The following CRACD variants were observed in gnomAD, a reference collection of about 807,000 sequenced individuals.
CRACD encodes capping protein inhibiting regulator of actin dynamics.
CRACD carries 56 observed loss-of-function variants against 106.8 expected under a neutral mutation model. The observed-to-expected ratio is 0.52, with a 90% CI of 0.42 to 0.66. CRACD has a LOEUF of 0.66. Ranked by LOEUF, CRACD falls within the 30% of genes least tolerant of loss-of-function variation. The pLI is 0.00. For synonymous variants in CRACD, 754 were observed against 670.8 expected (o/e 1.12, Z -1.92); for missense variants, 1,730 against 1,623.2 (o/e 1.07, Z -1.13).
intron 1 of CRACD, among the ~76,000 whole-genome samples, chr4:56,090,458 C>T (rs1369320544): frequency 6.6e-6 from 1 of 152,026 alleles, no homozygotes; most frequent in Non-Finnish European, 1.5e-5. Flanking sequence ...AGTGCAGTGG[C>T]ACTATCTTGG....
chr4:56,098,165 C>G (rs893386066), intron 1 of CRACD, among the ~76,000 whole-genome samples: 18 of 152,258 alleles, frequency 1.2e-4, no homozygotes, highest in African/African-American at 4.1e-4. Flanking sequence ...AAATGTGTTA[C>G]TGTAGACATT....
chr4:56,283,315 C>T (rs1002480911), intron 3 of CRACD, among the ~76,000 whole-genome samples: 4 of 152,148 alleles, frequency 2.6e-5, no homozygotes, highest in South Asian at 2.1e-4. Context: ...AGAATCCAGA[C>T]GCAGACCTAG....
At chr4:56,306,745 C>A (rs1479224624) in intron 4 of CRACD, among the ~76,000 whole-genome samples, 2 of 152,056 alleles carry the variant, frequency 1.3e-5, no homozygotes. Flanking sequence ...GAATTTCTAC[C>A]CCATTTTCCC....
chr4:56,305,191 A>G (rs1049093697), intron 4 of CRACD, among the ~76,000 whole-genome samples: 2 of 152,170 alleles, frequency 1.3e-5, no homozygotes, highest in African/African-American at 4.8e-5. Flanking sequence ...ACTGCACTCT[A>G]GCCTGTGCGA....
intron 2 of CRACD, among the ~76,000 whole-genome samples, chr4:56,245,837 A>G (rs774536118): frequency 2.0e-5 from 3 of 152,254 alleles, no homozygotes; most frequent in Non-Finnish European, 2.9e-5. Flanking sequence ...TGGTTGAGAT[A>G]GCAAATAATT....
rs116668745 is a variant in CRACD at position 56,216,640 on chromosome 4, C to T, written c.-189+37210C>T. ...TGGTAATGTAGTATTTGGAGAGAAG[C>T]GGCATTTAAAATCGGCCTTTGCAAA... On this transcript the variant is annotated intron_variant, in intron 2 of 10. Transcript: ENST00000682029. Among the ~76,000 whole-genome samples, 292 of 152,192 alleles carry T rather than the reference C, an allele frequency of 1.9e-3. 2 individuals are homozygous for T. The highest frequency in any genetic ancestry group is 6.4e-3 in the African/African-American group (267 of 41,522).
chr4:56,122,309 CAAA>C (rs33942884), intron 1 of CRACD, among the ~76,000 whole-genome samples: 35 of 109,576 alleles, frequency 3.2e-4, no homozygotes, highest in Admixed American at 3.5e-4. Context: ...AATTGTAGAC[CAAA>C]AAAAAAAAAA....
At chr4:56,055,438 G>T (rs1732023544) in intron 1 of CRACD, among the ~76,000 whole-genome samples, 1 of 131,040 alleles carries the variant, frequency 7.6e-6, no homozygotes, top group Non-Finnish European at 1.6e-5. Context: ...CACCATTTGT[G>T]AAAGAGGAAA....
chr4:56,265,091 T>G (rs904435303), intron 2 of CRACD, among the ~76,000 whole-genome samples: 16 of 152,176 alleles, frequency 1.1e-4, no homozygotes, highest in Non-Finnish European at 1.8e-4. Flanking sequence ...GGCCAGCTCC[T>G]CTGTCATAAT....
At chr4:56,129,189 C>G (rs574160073) in intron 1 of CRACD, among the ~76,000 whole-genome samples, 8 of 152,190 alleles carry the variant, frequency 5.3e-5, no homozygotes, top group South Asian at 2.1e-4. Context: ...AATCCTCCCC[C>G]CTCAGCCTCC....
rs556327426 is a variant in CRACD, at chr4:56,320,457, C to T, written c.3188-2920C>T. ...GATGCAATTGACTATCTTTCAAAAC[C>T]TTGACTGTAATAAGAGATTTTACTG... On this transcript the variant is annotated intron_variant, in intron 8 of 10. Transcript: ENST00000682029. Among the ~76,000 whole-genome samples the T allele has an allele frequency of 2.0e-5, 3 of 152,282 alleles. No individual in the cohort carries two copies. In the South Asian group the frequency reaches 6.2e-4, roughly 32 times the overall value.
chr4:56,190,660 C>T (rs1376950580), intron 2 of CRACD, among the ~76,000 whole-genome samples: 12 of 152,160 alleles, frequency 7.9e-5, no homozygotes, highest in Non-Finnish European at 1.5e-4. Context: ...AAGGGTACAG[C>T]CTCCTCCCTA....
intron 7 of CRACD, among the ~76,000 whole-genome samples, 168 bp downstream of exon 7, chr4:56,313,547 C>T (rs1407195263): frequency 6.6e-6 from 1 of 152,196 alleles, no homozygotes; most frequent in African/African-American, 2.4e-5. Context: ...GTTTACTTTC[C>T]TCGCCCTTTC....
At chr4:56,294,836 C>T (rs1183531347) in intron 3 of CRACD, among the ~76,000 whole-genome samples, 1 of 145,964 alleles carries the variant, frequency 6.9e-6, no homozygotes, top group African/African-American at 2.5e-5. Flanking sequence ...ATTGCTTGAA[C>T]CCAGAAGGTG....
intron 8 of CRACD, chr4:56,321,237 G>T: frequency 4.1e-6 from 1 of 245,192 alleles, no homozygotes; most frequent in South Asian, 5.5e-5. Context: ...AAGCACTTGT[G>T]TGGACCTGGG....
At chr4:56,085,063 G>A (rs1353012016) in intron 1 of CRACD, among the ~76,000 whole-genome samples, 1 of 152,170 alleles carries the variant, frequency 6.6e-6, no homozygotes, top group East Asian at 1.9e-4. Context: ...GTGATTGTGA[G>A]TGGGAAGGGT....
intron 10 of CRACD, among the ~76,000 whole-genome samples, chr4:56,325,974 C>T (rs1645396365): frequency 6.6e-6 from 1 of 152,218 alleles, no homozygotes; most frequent in African/African-American, 2.4e-5. Context: ...TGCGATGGCG[C>T]CATCTCGGCT....
chr4:56,085,228 C>A (rs188138572), intron 1 of CRACD, among the ~76,000 whole-genome samples: 4 of 152,264 alleles, frequency 2.6e-5, no homozygotes, highest in South Asian at 4.1e-4. Flanking sequence ...GTGTGTGCTG[C>A]GCATGACTAA....
At chr4:56,075,007 A>T (rs1050300005) in intron 1 of CRACD, among the ~76,000 whole-genome samples, 1 of 152,134 alleles carries the variant, frequency 6.6e-6, no homozygotes, top group African/African-American at 2.4e-5. Flanking sequence ...TGTGTATGTT[A>T]AACCTGCTTT....
Sources: allele counts gnomAD v4.1 joint callset (sites outside exome capture counted in the v4.1 genomes callset), GRCh38; gene constraint gnomAD v4.1.1; transcripts MANE v1.5; gene names NCBI Gene and HGNC (gene_info 2026-07-23, HGNC 2026-07-21).